Variants in ADAMTS10 observed in about 807,000 individuals in gnomAD.
ADAMTS10 encodes the protein A disintegrin and metalloproteinase with thrombospondin motifs 10.
ADAMTS10 carries 48 observed loss-of-function variants against 135.9 expected under a neutral mutation model. The observed-to-expected ratio is 0.35, with a 90% CI of 0.28 to 0.45. ADAMTS10 has a LOEUF of 0.45. Among genes scored for constraint, ADAMTS10 ranks in the 20% least tolerant of loss-of-function variants. The probability of loss-of-function intolerance (pLI) is 1.00; values close to 1 mark genes in which losing one functional copy is unlikely to be tolerated. For missense variants in ADAMTS10, 1,131 were observed against 1,565.2 expected, an observed-to-expected ratio of 0.72 and a Z score of 4.68; for synonymous variants, 621 against 647.5, an observed-to-expected ratio of 0.96 and a Z score of 0.62.
intron 16 of ADAMTS10, 28 bp from the exon 17 acceptor site, chr19:8,589,613 G>A (rs564960276): frequency 1.3e-5 from 21 of 1,612,598 alleles, no homozygotes; most frequent in Non-Finnish European, 1.7e-5. Flanking sequence ...GTCACACCAC[G>A]GGCCAGGCCA....
At chr19:8,589,849 G>A (rs1555738466) in intron 16 of ADAMTS10, 40 bp downstream of exon 16, 1 of 1,580,414 alleles carries the variant, frequency 6.3e-7, no homozygotes, top group Non-Finnish European at 8.7e-7. Flanking sequence ...TCCCACGGCT[G>A]CCCTTCACGG....
intron 6 of ADAMTS10, among the ~76,000 whole-genome samples, chr19:8,600,420 CT>C (rs2042649478): frequency 6.6e-6 from 1 of 151,500 alleles, no homozygotes; most frequent in African/African-American, 2.4e-5. Context: ...TGCAACCAAC[CT>C]ACCTACCTAC....
Position 8,580,736 on chromosome 19 carries a change from C to T in ADAMTS10, c.*157G>A, listed in dbSNP as rs2042332746. The T allele has an allele frequency of 6.4e-6, 4 of 627,172 alleles. No homozygotes were observed. The highest frequency in any genetic ancestry group is 1.1e-5 in the Non-Finnish European group (4 of 357,094). 38.9% of individuals were successfully genotyped at this position (627,172 alleles called of 1,614,324 possible). A position where few individuals can be genotyped will look rare whatever the true frequency, so the allele number is the denominator to read the frequency against. ...GGATAGCCAGCCCCTCTCCATCCCC[C>T]CAGCCAGGGCCCTGCAGGGGTTCCC... is the stretch of plus-strand genomic sequence containing the variant. On this transcript the variant is annotated 3_prime_UTR_variant, in exon 26 of 26. Transcript: ENST00000597188.
chr19:8,601,869 C>T lies in ADAMTS10; in HGVS notation c.593-724G>A, dbSNP rs1427691230. Among the ~76,000 whole-genome samples the T allele has an allele frequency of 2.0e-5, 3 of 152,170 alleles. No homozygotes were observed. The highest frequency in any genetic ancestry group is 3.8e-4 in the East Asian group (2 of 5,204). On this transcript the variant is annotated intron_variant, in intron 5 of 25. Coordinates refer to ENST00000597188, the MANE Select transcript of ADAMTS10 (RefSeq NM_030957.4). The surrounding 1 kb of genome is among the most constrained non-coding windows in gnomAD (Gnocchi z 4.6). The stretch of plus-strand genomic sequence containing the variant: ...AACCTGTTCAGCTACCAGCCTGCCC[C>T]GCTGCCCAAATGTCCAACTGAACAC...
Position 8,605,142 on chromosome 19 carries a change from A to T in ADAMTS10, c.305T>A (p.Val102Asp), listed in dbSNP as rs781850091. The T allele has an allele frequency of 6.2e-7, 1 of 1,613,752 alleles. No homozygotes were observed. The highest frequency in any genetic ancestry group is 8.5e-7 in the Non-Finnish European group (1 of 1,179,922). ...TRSSRLLAGH[V>D]SVEYWTREGL... ...CTCCCGTGTCCAGTACTCCACGGAG[A>T]CGTGCCCTGCCAGTAGACGGGAGCT... The change falls in exon 4 of 26, where the codon GTC becomes GAC. Residue 102 changes from valine to aspartate, a missense_variant. Val to Asp is a radical substitution (Grantham distance 152). Around this residue, in one of 3 missense-constraint regions of ADAMTS10, gnomAD observed 306 missense variants for 344.4 expected, o/e 0.89. Coordinates refer to ENST00000597188, the MANE Select transcript of ADAMTS10 (RefSeq NM_030957.4). This position sits in a 1 kb window ranked among gnomAD's most constrained non-coding sequence, Gnocchi z 7.7.
At chr19:8,583,794 T>C (rs537925424) in intron 25 of ADAMTS10, among the ~76,000 whole-genome samples, 1 of 151,482 alleles carries the variant, frequency 6.6e-6, no homozygotes, top group Non-Finnish European at 1.5e-5. Context: ...GAGGTGGAGG[T>C]TGCAGTGAGC....
intron 25 of ADAMTS10, chr19:8,581,281 G>A (rs1366170356): frequency 4.1e-6 from 1 of 245,564 alleles, no homozygotes; most frequent in East Asian, 9.1e-5. Context: ...CCTGACTTCT[G>A]TGCCTTAGTT....
chr19:8,603,266 G>A (rs1487872444), intron 5 of ADAMTS10, among the ~76,000 whole-genome samples: 2 of 152,080 alleles, frequency 1.3e-5, no homozygotes, highest in African/African-American at 4.8e-5. Flanking sequence ...GCTGTCCCCT[G>A]GATAGAACTC....
At chr19:8,589,047 C>T (rs1225532657) in intron 18 of ADAMTS10, among the ~76,000 whole-genome samples, 195 bp downstream of exon 18, 2 of 152,174 alleles carry the variant, frequency 1.3e-5, no homozygotes, top group Admixed American at 1.3e-4. Context: ...CTGCCTCGGC[C>T]TCCAAAAGCG....
At chr19:8,589,044 G>A (rs2042479768) in intron 18 of ADAMTS10, among the ~76,000 whole-genome samples, 198 bp downstream of exon 18, 1 of 152,096 alleles carries the variant, frequency 6.6e-6, no homozygotes, top group South Asian at 2.1e-4. Flanking sequence ...ATCCTGCCTC[G>A]GCCTCCAAAA....
intron 7 of ADAMTS10, 30 bp downstream of exon 7, chr19:8,597,198 TGAAGGG>T (rs782740718): frequency 3.1e-6 from 5 of 1,613,828 alleles, no homozygotes; most frequent in South Asian, 2.2e-5. Flanking sequence ...CATGCTGGTA[TGAAGGG>T]GAAGGGGAAG....
chr19:8,598,563 G>C (rs1416548252), intron 6 of ADAMTS10, among the ~76,000 whole-genome samples: 2 of 117,460 alleles, frequency 1.7e-5, no homozygotes, highest in East Asian at 2.8e-4. Context: ...GAAATCCCCA[G>C]AATTTTTTTT....
At chr19:8,585,719 C>A in intron 22 of ADAMTS10, 59 bp from the exon 23 acceptor site, 2 of 1,533,420 alleles carry the variant, frequency 1.3e-6, no homozygotes, top group Non-Finnish European at 9.0e-7. Context: ...AACACAACAG[C>A]AGGGGGCACT....
chr19:8,602,578 C>A (rs2042679252), intron 5 of ADAMTS10, among the ~76,000 whole-genome samples: 1 of 152,082 alleles, frequency 6.6e-6, no homozygotes, highest in Admixed American at 6.6e-5. Flanking sequence ...ATCTCGGCCT[C>A]CCAAAATGCT....
At chr19:8,591,749 T>A (rs1555738940) in intron 15 of ADAMTS10, 51 bp downstream of exon 15, 1 of 1,606,936 alleles carries the variant, frequency 6.2e-7, no homozygotes, top group Non-Finnish European at 8.5e-7. Flanking sequence ...CTCTGATAGC[T>A]GTTTTTAATG....
At position 8,589,506 on chromosome 19, in the gene ADAMTS10, G is replaced by A. The variant is rs373598928; in HGVS notation, c.1980C>T (p.Asp660=). 1.6e-5 allele frequency: 25 copies of A among 1,602,070 alleles called. No individual in the cohort carries two copies. The highest frequency in any genetic ancestry group is 4.5e-5 in the East Asian group (2 of 44,024). The change falls in exon 17 of 26, where the codon GAC becomes GAT. Residue 660 remains aspartate (D), a synonymous_variant. Coordinates refer to ENST00000597188, the MANE Select transcript of ADAMTS10 (RefSeq NM_030957.4). ...CCGTGTCTGGACGGCAGGGTGTCCC[G>A]TCCACCACGGCTGCCGCCCTCTCCG... ...FYTERAAAVV[D]GTPCRPDTVD...
At position 8,605,836 on chromosome 19, in the gene ADAMTS10, G is replaced by C; in HGVS notation, c.-99-27C>G. On this transcript the variant is annotated intron_variant, in intron 2 of 25. Transcript: ENST00000597188. The surrounding 1 kb of genome is among the most constrained non-coding windows in gnomAD (Gnocchi z 7.7). ...TGGGAGGGGGGAGCCAGGTAAGGGG[G>C]CGCCTGGTCCCGCTGTCCAGCACAA... The C allele has an allele frequency of 6.7e-7, 1 of 1,492,408 alleles. No individual in the cohort carries two copies. Among genetic ancestry groups the C allele is most frequent in the East Asian group, 2.5e-5 (1 of 40,426 alleles). The allele number at this position is 1,492,408 out of a possible 1,614,324, so 92.4% of individuals were successfully genotyped here.
chr19:8,596,938 G>A lies in ADAMTS10; in HGVS notation c.1040+49C>T, dbSNP rs567774777. On this transcript the variant is annotated intron_variant, in intron 8 of 25. Transcript: ENST00000597188. The surrounding 1 kb of genome is among the most constrained non-coding windows in gnomAD (Gnocchi z 7.2). ...CTGTTTGGACTCTCATGGTTCCCTG[G>A]ACCATCTGTTTTCTCAGCCCCAGTC... 2 of 1,605,408 alleles carry A rather than the reference G, an allele frequency of 1.2e-6. No homozygotes were observed. The highest frequency in any genetic ancestry group is 1.7e-5 in the Admixed American group (1 of 59,984).
intron 18 of ADAMTS10, 33 bp downstream of exon 18, chr19:8,589,209 A>T (rs782562736): frequency 2.5e-6 from 4 of 1,611,530 alleles, no homozygotes; most frequent in Middle Eastern, 1.7e-4. Flanking sequence ...TGGCCCATGC[A>T]GGGAGTGTGG....
Sources: allele counts gnomAD v4.1 joint callset (sites outside exome capture counted in the v4.1 genomes callset), GRCh38; gene constraint gnomAD v4.1.1; regional missense constraint gnomAD v4.1.1; non-coding constraint Gnocchi (gnomAD v3.1); transcripts MANE v1.5; gene names NCBI Gene and HGNC (gene_info 2026-07-23, HGNC 2026-07-21).